RBL2: variants seen among roughly 807,000 people sequenced by gnomAD.
RBL2 encodes the protein RB transcriptional corepressor like 2.
RBL2 carries 56 observed loss-of-function variants against 126.0 expected under a neutral mutation model. The ratio of observed to expected loss-of-function variants is 0.44; its 90% confidence interval spans 0.36 to 0.56. The LOEUF (loss-of-function observed/expected upper bound fraction) is 0.56. Among genes scored for constraint, RBL2 ranks in the 20% least tolerant of loss-of-function variants. The probability of loss-of-function intolerance (pLI) is 0.00; values close to 1 mark genes in which losing one functional copy is unlikely to be tolerated. For missense variants in RBL2, 1,229 were observed against 1,398.2 expected, an observed-to-expected ratio of 0.88 and a Z score of 1.93; for synonymous variants, 454 against 478.5, an observed-to-expected ratio of 0.95 and a Z score of 0.67.
At chr16:53,452,567 A>T (rs1417535970) in intron 5 of RBL2, among the ~76,000 whole-genome samples, 1 of 152,106 alleles carries the variant, frequency 6.6e-6, no homozygotes, top group Non-Finnish European at 1.5e-5. Flanking sequence ...AATGTTCCTC[A>T]TATTCTTTTC....
At chr16:53,465,652 C>T (rs765854656) in intron 13 of RBL2, 50 bp downstream of exon 13, 14 of 1,377,652 alleles carry the variant, frequency 1.0e-5, no homozygotes, top group Admixed American at 2.5e-5. Flanking sequence ...AATATCTAAT[C>T]TATTAATAAT....
chr16:53,470,598 C>T lies in RBL2; in HGVS notation c.2461C>T (p.Gln821Ter). The stretch of plus-strand genomic sequence containing the variant: ...AGGTGGCCAACAGCAGAAGCAAGGC[C>T]AGTCTGTAACCAGCAGTAGTAATAG... ...SPGGQQQKQG[Q>*]SVTSSSNRPR... Residue 821 changes from glutamine to a stop codon, truncating the protein, a stop_gained, in exon 16 of 22, where the codon CAG becomes TAG. Transcript: ENST00000262133. LOFTEE classifies it high-confidence loss of function. 1 of 1,614,210 alleles carries T rather than the reference C, an allele frequency of 6.2e-7. No individual in the cohort carries two copies. Among genetic ancestry groups the T allele is most frequent in the Non-Finnish European group, 8.5e-7 (1 of 1,180,038 alleles).
intron 12 of RBL2, chr16:53,464,590 C>CTTAT (rs1189893359): frequency 4.0e-5 from 14 of 347,720 alleles, no homozygotes; most frequent in Admixed American, 1.4e-4. Flanking sequence ...TCCTCTCTAT[C>CTTAT]TAATAAAAGT....
intron 10 of RBL2, 130 bp from the exon 11 acceptor site, chr16:53,462,422 A>C (rs186695137): frequency 3.8e-6 from 2 of 533,324 alleles, no homozygotes; most frequent in Non-Finnish European, 6.6e-6. Flanking sequence ...AACACCAATC[A>C]TAAGAAGTGT....
At chr16:53,485,286 C>T (rs1234561051) in intron 21 of RBL2, among the ~76,000 whole-genome samples, 1 of 152,106 alleles carries the variant, frequency 6.6e-6, no homozygotes, top group Admixed American at 6.6e-5. Flanking sequence ...TCCCCCAATT[C>T]TTGGAACCTA....
chr16:53,434,738 C>T lies in RBL2; in HGVS notation c.182C>T (p.Ala61Val), dbSNP rs2057938607. The T allele has an allele frequency of 1.3e-6, 2 of 1,543,048 alleles. No homozygotes were observed. The highest frequency in any genetic ancestry group is 1.7e-6 in the Non-Finnish European group (2 of 1,153,098). The change falls in exon 1 of 22, where the codon GCG becomes GTG. Residue 61 changes from alanine (A) to valine (V), a missense_variant. Ala to Val is a moderately conservative substitution (Grantham distance 64). Around this residue, in one of 2 missense-constraint regions of RBL2, gnomAD observed 159 missense variants for 123.9 expected, o/e 1.28. Transcript: ENST00000262133. Reference protein sequence around the residue: ...ELCSRLNMDEAARAEAWDSYR... With the variant: ...ELCSRLNMDEVARAEAWDSYR... ...TGCAGCCGCCTCAACATGGACGAGG[C>T]GGCGCGGGCCGAGGCCTGGGACAGC... is the stretch of plus-strand genomic sequence containing the variant.
In RBL2 at chr16:53,439,063, A is replaced by G. The variant is rs1342809581; in HGVS notation, c.288A>G (p.Arg96=). ...CATGTGCCTTATATGTGGCTTGCAG[A>G]AAATCTGTTCCAACTGTAAGCAAAG... ...WLACALYVAC[R]KSVPTVSKGT... is the part of the protein sequence containing the mutation. The change falls in exon 2 of 22, where the codon AGA becomes AGG. Residue 96 remains arginine, a synonymous_variant. Transcript: ENST00000262133. 1.2e-6 allele frequency: 2 copies of G among 1,608,020 alleles called. No homozygotes were observed. Among genetic ancestry groups the G allele is most frequent in the Non-Finnish European group, 1.7e-6 (2 of 1,177,216 alleles).
chr16:53,479,023 C>G lies in RBL2; in HGVS notation c.2704-131C>G, dbSNP rs1960838676. On this transcript the variant is annotated intron_variant, in intron 17 of 21. Coordinates refer to ENST00000262133, the MANE Select transcript of RBL2 (RefSeq NM_005611.4). Reference sequence around the variant, plus strand: ...CTTCATTTGCTATATGCCGTTAATACCATTTCCAGAGACTTTAAATAGCTT... The same window carrying G: ...CTTCATTTGCTATATGCCGTTAATAGCATTTCCAGAGACTTTAAATAGCTT... 8 of 698,796 alleles carry G rather than the reference C, an allele frequency of 1.1e-5. No individual in the cohort carries two copies. In the South Asian group the frequency reaches 1.3e-4, roughly 12 times the overall value. 43.3% of individuals were successfully genotyped at this position (698,796 alleles called of 1,614,324 possible).
intron 12 of RBL2, 73 bp downstream of exon 12, chr16:53,464,436 C>A: frequency 8.0e-7 from 1 of 1,247,682 alleles, no homozygotes; most frequent in South Asian, 1.5e-5. Flanking sequence ...TCATTTAGTT[C>A]AAGTTAACAT....
At chr16:53,465,660 A>C in intron 13 of RBL2, 58 bp downstream of exon 13, 1 of 1,335,134 alleles carries the variant, frequency 7.5e-7, no homozygotes, top group Non-Finnish European at 9.9e-7. Context: ...ATCTATTAAT[A>C]ATCCTTTTGG....
rs1253373418 is a variant in RBL2, at chr16:53,491,081, A to AAATGTT, written c.*784_*789dup. The AAATGTT allele has an allele frequency of 2.0e-5, 3 of 152,718 alleles. No individual in the cohort carries two copies. The East Asian group carries it at 5.8e-4, about 29-fold the overall frequency. 9.5% of individuals were successfully genotyped at this position (152,718 alleles called of 1,614,324 possible). A position where few individuals can be genotyped will look rare whatever the true frequency, so the allele number is the denominator to read the frequency against. ...TCTTTAATGCTTTTATATTTTTTTAAAATGTTAAAACCCCTATAGCCACCT... is the reference window on the plus strand; with the variant it reads ...TCTTTAATGCTTTTATATTTTTTTAAAATGTTAATGTTAAAACCCCTATAGCCACCT... On this transcript the variant is annotated 3_prime_UTR_variant, in exon 22 of 22. Coordinates refer to ENST00000262133, the MANE Select transcript of RBL2 (RefSeq NM_005611.4).
chr16:53,453,895 GC>G (rs1158283549), intron 7 of RBL2, 126 bp downstream of exon 7: 1 of 822,440 alleles, frequency 1.2e-6, no homozygotes, highest in African/African-American at 1.7e-5. Context: ...ATACAGGGAA[GC>G]AAAAATTCTG....
chr16:53,476,839 C>A (rs1567744433), intron 17 of RBL2, among the ~76,000 whole-genome samples: 1 of 152,176 alleles, frequency 6.6e-6, no homozygotes, highest in Non-Finnish European at 1.5e-5. Flanking sequence ...TCCATCCTTT[C>A]ATTTTCGAAT....
Position 53,470,617 on chromosome 16 carries a change from G to C in RBL2, c.2480G>C (p.Ser827Thr). ...QKQGQSVTSSSNRPRKTSSLS... is the reference protein window; with the variant it reads ...QKQGQSVTSSTNRPRKTSSLS... ...CAAGGCCAGTCTGTAACCAGCAGTAGTAATAGACCCAGGAAGACCAGCTCT... is the reference window on the plus strand; with the variant it reads ...CAAGGCCAGTCTGTAACCAGCAGTACTAATAGACCCAGGAAGACCAGCTCT... Residue 827 changes from serine (S) to threonine (T), a missense_variant, in exon 16 of 22, where the codon AGT (serine) becomes ACT (threonine). Ser to Thr is a moderately conservative substitution (Grantham distance 58). Coordinates refer to ENST00000262133, the MANE Select transcript of RBL2 (RefSeq NM_005611.4). 3 of 1,614,218 alleles carry C rather than the reference G, an allele frequency of 1.9e-6. No individual in the cohort carries two copies. The highest frequency in any genetic ancestry group is 1.7e-6 in the Non-Finnish European group (2 of 1,180,040).
At position 53,461,979 on chromosome 16, in the gene RBL2, A is replaced by G. The variant is rs140151397; in HGVS notation, c.1456+129A>G. The G allele has an allele frequency of 4.5e-4, 326 of 727,172 alleles. 5 individuals carry two copies. In the East Asian group the frequency reaches 9.8e-3, roughly 22 times the overall value. 45.0% of individuals were successfully genotyped at this position (727,172 alleles called of 1,614,324 possible). A position where few individuals can be genotyped will look rare whatever the true frequency, so the allele number is the denominator to read the frequency against. The stretch of plus-strand genomic sequence containing the variant: ...CTGAAGGCTAGGATATGGCTGTCCA[A>G]TTTTTCTGGTCAACCAACTGATTTC... On this transcript the variant is annotated intron_variant, in intron 10 of 21. Transcript: ENST00000262133.
intron 8 of RBL2, among the ~76,000 whole-genome samples, chr16:53,459,108 GA>G (rs2058195018): frequency 6.6e-6 from 1 of 152,200 alleles, no homozygotes; most frequent in African/African-American, 2.4e-5. Context: ...CAGGTGAGCA[GA>G]ATGCTTATCT....
At chr16:53,480,043 T>C in intron 19 of RBL2, 52 bp downstream of exon 19, 1 of 1,257,758 alleles carries the variant, frequency 8.0e-7, no homozygotes. Flanking sequence ...TTTTCTTACT[T>C]TTTAGGCCTT....
At chr16:53,460,579 C>G (rs1386495306) in intron 9 of RBL2, among the ~76,000 whole-genome samples, 1 of 152,122 alleles carries the variant, frequency 6.6e-6, no homozygotes, top group Non-Finnish European at 1.5e-5. Flanking sequence ...TTCCAGATCG[C>G]TTTACAGTTT....
Position 53,443,446 on chromosome 16 carries a change from A to G in RBL2, c.572+588A>G, listed in dbSNP as rs557074741. On this transcript the variant is annotated intron_variant, in intron 3 of 21. Coordinates refer to ENST00000262133, the MANE Select transcript of RBL2 (RefSeq NM_005611.4). ...TCCCCTTGAAATGACTTCTCTATGT[A>G]TTTTGATGTTTATAATGAATTCAGA... The G allele has an allele frequency of 2.6e-5, 4 of 152,294 alleles. No homozygotes were observed. The East Asian group carries it at 5.8e-4, about 22-fold the overall frequency. 9.4% of individuals were successfully genotyped at this position (152,294 alleles called of 1,614,324 possible). A position where few individuals can be genotyped will look rare whatever the true frequency, so the allele number is the denominator to read the frequency against.
Sources: allele counts gnomAD v4.1 joint callset (sites outside exome capture counted in the v4.1 genomes callset), GRCh38; gene constraint gnomAD v4.1.1; regional missense constraint gnomAD v4.1.1; transcripts MANE v1.5; gene names NCBI Gene and HGNC (gene_info 2026-07-23, HGNC 2026-07-21).